GNA13: variants seen among roughly 807,000 people sequenced by gnomAD.
The protein encoded by GNA13 is G protein subunit alpha 13.
GNA13 carries 4 observed loss-of-function variants against 33.5 expected under a neutral mutation model. The ratio of observed to expected loss-of-function variants is 0.12; its 90% CI spans 0.06 to 0.27. The LOEUF (loss-of-function observed/expected upper bound fraction) is 0.27, where lower values mean the gene tolerates loss of function less well. Among genes scored for constraint, GNA13 ranks in the 10% least tolerant of loss-of-function variants. The pLI is 1.00. For synonymous variants in GNA13, 176 were observed against 183.8 expected (o/e 0.96, Z 0.34); for missense variants, 319 against 487.2 (o/e 0.65, Z 3.25).
rs1467977419 is a variant in GNA13, at chr17:65,013,540, T to TA, written c.*716dup. On this transcript the variant is annotated 3_prime_UTR_variant, in exon 4 of 4. Coordinates refer to ENST00000439174, the MANE Select transcript of GNA13 (RefSeq NM_006572.6). ...GAAAGGCAAATTCTATTTCACTCGTTACGTTTGACCAAAACACGGTAAACA... is the reference window on the plus strand; with the variant it reads ...GAAAGGCAAATTCTATTTCACTCGTTAACGTTTGACCAAAACACGGTAAACA... 35 of 218,006 alleles carry TA rather than the reference T, an allele frequency of 1.6e-4. No individual in the cohort carries two copies. Among genetic ancestry groups the TA allele is most frequent in the African/African-American group, 7.0e-4 (31 of 44,526 alleles). The allele number at this position is 218,006 out of a possible 1,614,324, so 13.5% of individuals were successfully genotyped here.
At chr17:65,042,592 C>A (rs1280352063) in intron 2 of GNA13, among the ~76,000 whole-genome samples, 1 of 151,896 alleles carries the variant, frequency 6.6e-6, no homozygotes, top group Non-Finnish European at 1.5e-5. Flanking sequence ...CAAAAATTAG[C>A]CGGGCATGGT....
chr17:65,015,029 G>A (rs186445678), intron 3 of GNA13, among the ~76,000 whole-genome samples, 200 bp from the exon 4 acceptor site: 3 of 152,300 alleles, frequency 2.0e-5, no homozygotes, highest in East Asian at 3.9e-4. Flanking sequence ...CACTTTGGGA[G>A]GCTGAGGCAG....
At chr17:65,033,609 T>G (rs1055095615) in intron 2 of GNA13, among the ~76,000 whole-genome samples, 1 of 152,218 alleles carries the variant, frequency 6.6e-6, no homozygotes, top group Non-Finnish European at 1.5e-5. Flanking sequence ...ACAAAACTTA[T>G]AGCCGACAAG....
chr17:65,041,150 G>A (rs1256382730), intron 2 of GNA13, among the ~76,000 whole-genome samples: 1 of 152,130 alleles, frequency 6.6e-6, no homozygotes, highest in Non-Finnish European at 1.5e-5. Flanking sequence ...CCAAGATGTT[G>A]AAAAGGAAAG....
chr17:65,020,229 C>G (rs766816673), intron 2 of GNA13, among the ~76,000 whole-genome samples: 5 of 152,098 alleles, frequency 3.3e-5, no homozygotes, highest in Non-Finnish European at 7.4e-5. Flanking sequence ...CAGAAGTGAT[C>G]AAAGTCTTCT....
intron 2 of GNA13, among the ~76,000 whole-genome samples, chr17:65,041,930 T>C (rs76785756): frequency 0.02 from 3,015 of 152,352 alleles, 93 homozygotes; most frequent in African/African-American, 0.069. Flanking sequence ...TATAACACTC[T>C]ATTATTTTCA....
intron 2 of GNA13, among the ~76,000 whole-genome samples, chr17:65,050,476 C>T (rs1907823255): frequency 6.6e-6 from 1 of 152,196 alleles, no homozygotes; most frequent in African/African-American, 2.4e-5. Flanking sequence ...TGCCTATAAT[C>T]CCAACATTTT....
chr17:65,055,621 C>G (rs746605428), intron 1 of GNA13: 10 of 985,342 alleles, frequency 1.0e-5, no homozygotes, highest in African/African-American at 1.7e-5. Context: ...CGAAAAAGCA[C>G]AGATGCTACA....
In GNA13 at chr17:65,014,324, C is replaced by T. The variant is rs1322796021; in HGVS notation, c.1067G>A (p.Arg356His). 1.2e-6 allele frequency: 2 copies of T among 1,613,446 alleles called. No homozygotes were observed. The highest frequency in any genetic ancestry group is 1.7e-6 in the Non-Finnish European group (2 of 1,179,422). The change falls in exon 4 of 4, where the codon CGC (arginine) becomes CAC (histidine). Residue 356 changes from arginine (R) to histidine (H), a missense_variant. Physicochemically the swap from Arg to His is conservative, Grantham distance 29. This residue lies in a region of GNA13 where 134 missense variants were observed against 241.3 expected (regional missense o/e 0.56). Coordinates refer to ENST00000439174, the MANE Select transcript of GNA13 (RefSeq NM_006572.6). This position sits in a 1 kb window ranked among gnomAD's most constrained non-coding sequence, Gnocchi z 5.3. ...ATCCTTCACGTCACGGAAAACAAGG[C>T]GGATGTTCTCCGTGTTGATAGCAGT... ...FTTAINTENI[R>H]LVFRDVKDTI...
At chr17:65,021,355 G>C (rs764062550) in intron 2 of GNA13, among the ~76,000 whole-genome samples, 9 of 152,186 alleles carry the variant, frequency 5.9e-5, no homozygotes, top group Non-Finnish European at 2.9e-5. Flanking sequence ...TGGCTTCAAT[G>C]TTGCCCCCAC....
At chr17:65,048,645 T>C (rs926028500) in intron 2 of GNA13, among the ~76,000 whole-genome samples, 1 of 152,194 alleles carries the variant, frequency 6.6e-6, no homozygotes, top group African/African-American at 2.4e-5. Flanking sequence ...TTTGGGAACT[T>C]AGAAAGAAAA....
In GNA13 at chr17:65,014,207, G is replaced by A; in HGVS notation, c.*50C>T. 9.0e-7 allele frequency: 1 copy of A among 1,108,260 alleles called. No individual in the cohort carries two copies. The highest frequency in any genetic ancestry group is 1.3e-6 in the Non-Finnish European group (1 of 751,094). 68.7% of individuals were successfully genotyped at this position (1,108,260 alleles called of 1,614,324 possible). A position where few individuals can be genotyped will look rare whatever the true frequency, so the allele number is the denominator to read the frequency against. On this transcript the variant is annotated 3_prime_UTR_variant, in exon 4 of 4. Coordinates refer to ENST00000439174, the MANE Select transcript of GNA13 (RefSeq NM_006572.6). The surrounding 1 kb of genome is among the most constrained non-coding windows in gnomAD (Gnocchi z 5.3). The stretch of plus-strand genomic sequence containing the variant: ...GCTATTTTAAAAAACAAAACAAACA[G>A]AAAACATCAAAAACACAAAAAGATA...
At chr17:65,053,255 A>C in intron 2 of GNA13, 1 of 456,820 alleles carries the variant, frequency 2.2e-6, no homozygotes, top group Non-Finnish European at 3.9e-6. Context: ...CTAAACTAGA[A>C]ATTCATTTAT....
chr17:65,012,266 C>A lies in GNA13; in HGVS notation c.*1991G>T, dbSNP rs570458317. 14 of 223,176 alleles carry A rather than the reference C, an allele frequency of 6.3e-5. No homozygotes were observed. Among genetic ancestry groups the A allele is most frequent in the African/African-American group, 2.9e-4 (13 of 44,958 alleles). The allele number at this position is 223,176 out of a possible 1,614,324, so 13.8% of individuals were successfully genotyped here. A position where few individuals can be genotyped will look rare whatever the true frequency, so the allele number is the denominator to read the frequency against. ...TATAGGGATCTAACTTGAGCCCTCA[C>A]TGGAGTCAAATGTTTTGGCCATTCA... is the stretch of plus-strand genomic sequence containing the variant. On this transcript the variant is annotated 3_prime_UTR_variant, in exon 4 of 4. Coordinates refer to ENST00000439174, the MANE Select transcript of GNA13 (RefSeq NM_006572.6).
chr17:65,046,098 T>C (rs780237603), intron 2 of GNA13, among the ~76,000 whole-genome samples: 2 of 152,208 alleles, frequency 1.3e-5, no homozygotes, highest in Non-Finnish European at 1.5e-5. Context: ...GATAACAGTA[T>C]ATCTTGTTTT....
chr17:65,018,308 AAAC>A lies in GNA13; in HGVS notation c.511-8_511-6del. ...GAAATATTTTACAGATTCACCCTAA[AAAC>A]AAGAAGAAAACAAATAGTTATTAGG... On this transcript the variant is annotated splice_polypyrimidine_tract_variant and splice_region_variant and intron_variant, in intron 2 of 3. Coordinates refer to ENST00000439174, the MANE Select transcript of GNA13 (RefSeq NM_006572.6). 7.2e-7 allele frequency: 1 copy of A among 1,397,174 alleles called. No individual in the cohort carries two copies. The highest frequency in any genetic ancestry group is 1.0e-6 in the Non-Finnish European group (1 of 982,342). 86.5% of individuals were successfully genotyped at this position (1,397,174 alleles called of 1,614,324 possible).
intron 2 of GNA13, among the ~76,000 whole-genome samples, chr17:65,027,088 G>A (rs908920263): frequency 5.9e-5 from 9 of 152,150 alleles, no homozygotes; most frequent in South Asian, 2.1e-4. Flanking sequence ...TCTTTTCCCA[G>A]CATATTCTTA....
In GNA13 at chr17:65,037,880, T is replaced by C. The variant is rs115989247; in HGVS notation, c.510+15622A>G. 8.6e-3 allele frequency among the ~76,000 whole-genome samples: 1,295 copies of C among 150,408 alleles called. 19 individuals are homozygous for C. Among genetic ancestry groups the C allele is most frequent in the African/African-American group, 0.03 (1,221 of 40,858 alleles). On this transcript the variant is annotated intron_variant, in intron 2 of 3. Transcript: ENST00000439174. ...AGTAATCATATCAGAAAAATTATACTCAGTAATTATTTCACAGACATTAAA... is the reference window on the plus strand; with the variant it reads ...AGTAATCATATCAGAAAAATTATACCCAGTAATTATTTCACAGACATTAAA...
At chr17:65,020,883 T>G (rs1037625700) in intron 2 of GNA13, among the ~76,000 whole-genome samples, 14 of 152,154 alleles carry the variant, frequency 9.2e-5, no homozygotes, top group African/African-American at 3.1e-4. Context: ...ACTCCTGACC[T>G]CAGGTGATCC....
Sources: allele counts gnomAD v4.1 joint callset (sites outside exome capture counted in the v4.1 genomes callset), GRCh38; gene constraint gnomAD v4.1.1; regional missense constraint gnomAD v4.1.1; non-coding constraint Gnocchi (gnomAD v3.1); transcripts MANE v1.5; gene names NCBI Gene and HGNC (gene_info 2026-07-23, HGNC 2026-07-21).